Variants in PHF14 observed in about 807,000 individuals in gnomAD.
PHF14 encodes the protein PHD finger protein 14.
A neutral mutation model predicts 117.9 loss-of-function variants in PHF14; 55 were observed. The ratio of observed to expected loss-of-function variants is 0.47; its 90% CI spans 0.38 to 0.58. The LOEUF is 0.58. Ranked by LOEUF, PHF14 falls within the 20% of genes least tolerant of loss-of-function variation. The pLI is 0.00. For synonymous variants in PHF14, 409 were observed against 368.6 expected, an observed-to-expected ratio of 1.11 and a Z score of -1.26; for missense variants, 978 against 1,122.2, an observed-to-expected ratio of 0.87 and a Z score of 1.84.
chr7:11,111,510 G>A (rs117182717), intron 17 of PHF14, 43 bp downstream of exon 17: 22,099 of 928,856 alleles, frequency 0.024, 309 homozygotes, highest in Middle Eastern at 0.05. Context: ...GTGTCCTTCC[G>A]TTTGATAGCT....
intron 4 of PHF14, among the ~76,000 whole-genome samples, chr7:10,993,396 A>T (rs192647482): frequency 2.7e-4 from 41 of 152,240 alleles, no homozygotes; most frequent in South Asian, 8.3e-4. Flanking sequence ...TCTGATCTTC[A>T]TGTGGAGCTG....
intron 16 of PHF14, among the ~76,000 whole-genome samples, chr7:11,083,934 A>T (rs928587965): frequency 2.0e-5 from 3 of 152,196 alleles, no homozygotes; most frequent in African/African-American, 7.2e-5. Context: ...AGAAGATGGG[A>T]TGCCCGTCTG....
At chr7:11,066,479 A>G (rs1329611509) in intron 16 of PHF14, among the ~76,000 whole-genome samples, 1 of 152,148 alleles carries the variant, frequency 6.6e-6, no homozygotes, top group Non-Finnish European at 1.5e-5. Flanking sequence ...GTTATTTCCT[A>G]TCTAATAATT....
intron 16 of PHF14, among the ~76,000 whole-genome samples, chr7:11,068,657 C>T (rs932015398): frequency 2.0e-5 from 3 of 152,106 alleles, no homozygotes; most frequent in African/African-American, 7.2e-5. Context: ...GAGCTGTACA[C>T]TTAAAAATGG....
At chr7:11,087,759 C>T (rs1237789485) in intron 16 of PHF14, among the ~76,000 whole-genome samples, 1 of 151,954 alleles carries the variant, frequency 6.6e-6, no homozygotes, top group Admixed American at 6.6e-5. Context: ...GTGTGTGATA[C>T]ATATGGACAC....
intron 3 of PHF14, among the ~76,000 whole-genome samples, chr7:10,986,820 A>G (rs935059993): frequency 2.0e-5 from 3 of 152,222 alleles, no homozygotes; most frequent in African/African-American, 4.8e-5. Flanking sequence ...GTTTTGCATG[A>G]GAATTAATCC....
intron 17 of PHF14, among the ~76,000 whole-genome samples, chr7:11,127,892 T>G (rs1583487240): frequency 6.7e-6 from 1 of 149,932 alleles, no homozygotes; most frequent in South Asian, 2.2e-4. Context: ...TAAATCATGA[T>G]TTTTTTTTTC....
intron 17 of PHF14, among the ~76,000 whole-genome samples, chr7:11,146,852 A>G (rs976431576): frequency 2.0e-5 from 3 of 151,992 alleles, no homozygotes; most frequent in South Asian, 2.1e-4. Context: ...TTATTTACTT[A>G]TGTATTTATT....
At chr7:11,153,689 A>G (rs1211238319) in intron 17 of PHF14, among the ~76,000 whole-genome samples, 1 of 152,130 alleles carries the variant, frequency 6.6e-6, no homozygotes, top group Non-Finnish European at 1.5e-5. Flanking sequence ...AGAGGCCAAT[A>G]TTGTCATTGG....
chr7:11,128,734 TC>T (rs1788005361), intron 17 of PHF14, among the ~76,000 whole-genome samples: 1 of 149,742 alleles, frequency 6.7e-6, no homozygotes, highest in Non-Finnish European at 1.5e-5. Flanking sequence ...CCGTTCTCCT[TC>T]CGTCTCTCCC....
intron 6 of PHF14, among the ~76,000 whole-genome samples, chr7:11,023,957 G>A (rs188486099): frequency 6.7e-4 from 102 of 152,292 alleles, no homozygotes; most frequent in African/African-American, 2.4e-3. Context: ...TAGTGAGGAA[G>A]GCATGTCGAA....
intron 14 of PHF14, among the ~76,000 whole-genome samples, chr7:11,058,368 GTAGTTA>G (rs1231753815): frequency 6.6e-6 from 1 of 151,518 alleles, no homozygotes; most frequent in African/African-American, 2.4e-5. Context: ...ATGAATTTTC[GTAGTTA>G]TAGTTGCTGC....
At chr7:11,105,485 CAGA>C in intron 16 of PHF14, 5 of 978,410 alleles carry the variant, frequency 5.1e-6, no homozygotes, top group Non-Finnish European at 6.1e-6. Flanking sequence ...TCAAGGAATT[CAGA>C]AGGACTCTCC....
At chr7:11,079,418 A>G (rs1785991060) in intron 16 of PHF14, among the ~76,000 whole-genome samples, 1 of 152,162 alleles carries the variant, frequency 6.6e-6, no homozygotes, top group Non-Finnish European at 1.5e-5. Context: ...AACCTAGAGG[A>G]AAAAGCCATT....
At chr7:11,000,334 C>CTTTTTTTTTT (rs71023882) in intron 4 of PHF14, among the ~76,000 whole-genome samples, 2 of 60,350 alleles carry the variant, frequency 3.3e-5, no homozygotes, top group African/African-American at 1.3e-4. Context: ...GCTTATTTGC[C>CTTTTTTTTTT]TTTTTTTTTT....
chr7:11,048,655 G>T, intron 13 of PHF14, among the ~76,000 whole-genome samples: 1 of 152,286 alleles, frequency 6.6e-6, no homozygotes, highest in East Asian at 1.9e-4. Context: ...TTACCATCTT[G>T]TGTACCAATT....
intron 4 of PHF14, among the ~76,000 whole-genome samples, chr7:10,999,723 CT>C (rs948825889): frequency 6.6e-5 from 10 of 152,320 alleles, no homozygotes; most frequent in Middle Eastern, 6.8e-3. Context: ...AATCTACCTT[CT>C]TTCCAAAGTA....
chr7:11,042,824 A>G lies in PHF14; in HGVS notation c.2312+10A>G, dbSNP rs774322243. ...CCAAAAACAGTTATTGGTGAGTAAAATAGAGGAGATTTAGATGTTTGAATT... is the reference window on the plus strand; with the variant it reads ...CCAAAAACAGTTATTGGTGAGTAAAGTAGAGGAGATTTAGATGTTTGAATT... On this transcript the variant is annotated intron_variant, in intron 13 of 17. Transcript: ENST00000634607. 9 of 1,545,170 alleles carry G rather than the reference A, an allele frequency of 5.8e-6. No individual in the cohort carries two copies. In the South Asian group the frequency reaches 1.1e-4, roughly 18 times the overall value.
intron 17 of PHF14, among the ~76,000 whole-genome samples, chr7:11,129,402 T>C (rs1267878025): frequency 6.6e-6 from 1 of 152,070 alleles, no homozygotes; most frequent in Non-Finnish European, 1.5e-5. Flanking sequence ...TAACATTTAA[T>C]AGTACCTGTT....
Sources: allele counts gnomAD v4.1 joint callset (sites outside exome capture counted in the v4.1 genomes callset), GRCh38; gene constraint gnomAD v4.1.1; transcripts MANE v1.5; gene names NCBI Gene and HGNC (gene_info 2026-07-23, HGNC 2026-07-21).